Variants in NAA60 observed in about 807,000 individuals in gnomAD.
NAA60 encodes the protein N-alpha-acetyltransferase 60, NatF catalytic subunit, also known as N-alpha-acetyltransferase 60.
A neutral mutation model predicts 26.1 loss-of-function variants in NAA60; 8 were observed. The observed-to-expected ratio is 0.31, with a 90% CI of 0.18 to 0.55. NAA60 has a LOEUF of 0.55. Ranked by LOEUF, NAA60 falls within the 20% of genes least tolerant of loss-of-function variation. The pLI, the probability that NAA60 is intolerant of heterozygous loss-of-function variation, is 0.93. For missense variants in NAA60, 290 were observed against 311.3 expected, an observed-to-expected ratio of 0.93 and a Z score of 0.51; for synonymous variants, 131 against 122.5, an observed-to-expected ratio of 1.07 and a Z score of -0.46.
intron 2 of NAA60, among the ~76,000 whole-genome samples, chr16:3,453,397 T>C (rs1362323725): frequency 4.0e-5 from 6 of 151,880 alleles, no homozygotes; most frequent in Non-Finnish European, 7.4e-5. Context: ...CTGTCTCCAA[T>C]AATGAAATCA....
In NAA60 at chr16:3,469,608, C is replaced by G. The variant is rs567057166; in HGVS notation, c.-6-6614C>G. 7.6e-5 allele frequency among the ~76,000 whole-genome samples: 10 copies of G among 131,140 alleles called. 1 individual carries two copies. In the South Asian group the frequency reaches 2.7e-3, roughly 36 times the overall value. 86.0% of individuals were successfully genotyped at this position (131,140 alleles called of 152,430 possible). A position where few individuals can be genotyped will look rare whatever the true frequency, so the allele number is the denominator to read the frequency against. On this transcript the variant is annotated intron_variant, in intron 2 of 7. Transcript: ENST00000407558. ...CTGTCTCTGACTTTGCCTTGCTGCT[C>G]CGCACTGCACTGCCCTGGTACCCGT...
At chr16:3,480,316 G>A (rs2036745452) in intron 4 of NAA60, among the ~76,000 whole-genome samples, 1 of 152,202 alleles carries the variant, frequency 6.6e-6, no homozygotes, top group African/African-American at 2.4e-5. Flanking sequence ...TAGAGAAGGG[G>A]CCGGGCGCAG....
At chr16:3,444,477 C>T in intron 1 of NAA60, among the ~76,000 whole-genome samples, 1 of 152,126 alleles carries the variant, frequency 6.6e-6, no homozygotes, top group Non-Finnish European at 1.5e-5. Flanking sequence ...ATGATAGGTA[C>T]CTTGATAGAA....
chr16:3,468,942 TG>T (rs2035939998), intron 2 of NAA60, among the ~76,000 whole-genome samples: 1 of 152,050 alleles, frequency 6.6e-6, no homozygotes. Context: ...AAAAATTACC[TG>T]GTTGTGGTGG....
chr16:3,475,102 T>TTTG lies in NAA60; in HGVS notation c.-6-1118_-6-1117insGTT, dbSNP rs1451812857. 3.3e-5 allele frequency among the ~76,000 whole-genome samples: 5 copies of TTTG among 150,506 alleles called. 1 individual carries two copies. Among genetic ancestry groups the TTTG allele is most frequent in the African/African-American group, 1.2e-4 (5 of 40,836 alleles). On this transcript the variant is annotated intron_variant, in intron 2 of 7. Transcript: ENST00000407558. ...AGCCTTCCATCCTTTCCTTTTTTTTTTTTTTGAGATGGAGTCTCACTCTGT... is the reference window on the plus strand; with the variant it reads ...AGCCTTCCATCCTTTCCTTTTTTTTTTTGTTTTTGAGATGGAGTCTCACTCTGT...
intron 1 of NAA60, among the ~76,000 whole-genome samples, chr16:3,444,243 G>C (rs1053058203): frequency 4.9e-4 from 74 of 152,062 alleles, no homozygotes; most frequent in Non-Finnish European, 8.8e-5. Context: ...AGGAGGGAGT[G>C]CCCTGGTGTA....
chr16:3,451,434 A>G (rs1419105738), intron 2 of NAA60, among the ~76,000 whole-genome samples: 2 of 152,190 alleles, frequency 1.3e-5, no homozygotes, highest in South Asian at 2.1e-4. Context: ...ATTACTTCTA[A>G]AAATAAAAAT....
chr16:3,446,880 G>A (rs1459033735), intron 1 of NAA60, among the ~76,000 whole-genome samples: 2 of 151,948 alleles, frequency 1.3e-5, no homozygotes, highest in Non-Finnish European at 2.9e-5. Flanking sequence ...CAAAGTGCTG[G>A]GATTACAGGT....
At chr16:3,446,619 GT>G (rs34330542) in intron 1 of NAA60, among the ~76,000 whole-genome samples, 58 of 138,688 alleles carry the variant, frequency 4.2e-4, no homozygotes, top group South Asian at 1.8e-3. Context: ...TTTATTATTT[GT>G]TTTTTTTTTT....
intron 2 of NAA60, among the ~76,000 whole-genome samples, chr16:3,452,838 C>T (rs1317931769): frequency 6.6e-6 from 1 of 151,740 alleles, no homozygotes; most frequent in African/African-American, 2.4e-5. Flanking sequence ...GCCTGTAGTC[C>T]CAGCTACTGG....
chr16:3,479,993 A>T (rs1250135861), intron 4 of NAA60, among the ~76,000 whole-genome samples: 2 of 152,232 alleles, frequency 1.3e-5, no homozygotes, highest in African/African-American at 2.4e-5. Flanking sequence ...GTTAGAGGTC[A>T]GGGAAAGTAC....
rs935290926 is a variant in NAA60, at chr16:3,486,326, C to T, written c.*1066C>T. ...TCCGATGCAGGGGTGGGGTGGGGGG[C>T]GGAGTCCCGCCCAGCATAGCTGCAG... On this transcript the variant is annotated 3_prime_UTR_variant, in exon 8 of 8. Coordinates refer to ENST00000407558, the MANE Select transcript of NAA60 (RefSeq NM_001083601.3). 3 of 155,212 alleles carry T rather than the reference C, an allele frequency of 1.9e-5. No individual in the cohort carries two copies. Among genetic ancestry groups the T allele is most frequent in the African/African-American group, 2.4e-5 (1 of 41,462 alleles). 9.6% of individuals were successfully genotyped at this position (155,212 alleles called of 1,614,324 possible).
intron 2 of NAA60, among the ~76,000 whole-genome samples, chr16:3,458,794 G>T (rs938173402): frequency 7.2e-5 from 11 of 152,112 alleles, no homozygotes; most frequent in African/African-American, 2.4e-4. Context: ...CGGCCCTACA[G>T]AACCCACACC....
chr16:3,479,188 C>T lies in NAA60; in HGVS notation c.111-283C>T, dbSNP rs564970720. Reference sequence around the variant, plus strand: ...CCAGGAGGCAACGGTTGCAGTGAGCCGAGATCACGCCATTGCACTCCAGCC... The same window carrying T: ...CCAGGAGGCAACGGTTGCAGTGAGCTGAGATCACGCCATTGCACTCCAGCC... On this transcript the variant is annotated intron_variant, in intron 3 of 7. Transcript: ENST00000407558. Among the ~76,000 whole-genome samples, 336 of 152,220 alleles carry T rather than the reference C, an allele frequency of 2.2e-3. 1 individual carries two copies. The highest frequency in any genetic ancestry group is 6.8e-3 in the Middle Eastern group (2 of 294).
chr16:3,470,688 C>T (rs1380200080), intron 2 of NAA60, among the ~76,000 whole-genome samples: 1 of 152,220 alleles, frequency 6.6e-6, no homozygotes, highest in Non-Finnish European at 1.5e-5. Context: ...GGCCGCTGGC[C>T]CTGCCTTTGG....
chr16:3,457,971 TG>T (rs1256299938), intron 2 of NAA60: 7 of 984,448 alleles, frequency 7.1e-6, no homozygotes, highest in African/African-American at 1.8e-5. Flanking sequence ...CGGGGCCACG[TG>T]GGGGCGGCGG....
chr16:3,483,940 G>A (rs547166999), intron 6 of NAA60: 24 of 322,760 alleles, frequency 7.4e-5, no homozygotes, highest in African/African-American at 2.0e-4. Flanking sequence ...TGCACAAAAC[G>A]GACAGGATCC....
chr16:3,458,114 G>C, intron 2 of NAA60: 1 of 985,240 alleles, frequency 1.0e-6, no homozygotes, highest in Non-Finnish European at 1.2e-6. Context: ...CCCACTTCCC[G>C]GCTCCCTTCG....
intron 2 of NAA60, among the ~76,000 whole-genome samples, chr16:3,460,157 G>T (rs977306325): frequency 3.3e-5 from 5 of 152,140 alleles, no homozygotes; most frequent in Admixed American, 1.3e-4. Context: ...GGCAGTGCAT[G>T]GCCTTGCTCT....
Sources: gnomAD v4.1 joint callset for allele counts (sites outside exome capture counted in the v4.1 genomes callset) on GRCh38, gnomAD v4.1.1 for gene constraint, MANE v1.5 for transcripts, NCBI Gene and HGNC (gene_info 2026-07-23, HGNC 2026-07-21) for gene names.